Variants in GDPD4 observed in about 807,000 individuals in gnomAD.
GDPD4 encodes the protein glycerophosphodiester phosphodiesterase 6.
GDPD4 carries 60 observed loss-of-function variants against 67.8 expected under a neutral mutation model. That is an observed-to-expected ratio of 0.88 (90% CI 0.72 to 1.10). GDPD4 has a LOEUF of 1.10. Ranked by LOEUF, GDPD4 falls within the 50% of genes least tolerant of loss-of-function variation. The pLI, the probability that GDPD4 is intolerant of heterozygous loss-of-function variation, is 0.00. For synonymous variants in GDPD4, 212 were observed against 210.9 expected (o/e 1.00, Z -0.04); for missense variants, 623 against 613.9 (o/e 1.01, Z -0.16).
chr11:77,276,346 AC>A (rs1959469014), intron 4 of GDPD4, 126 bp from the exon 5 acceptor site: 2 of 733,990 alleles, frequency 2.7e-6, no homozygotes, highest in South Asian at 3.2e-5. Flanking sequence ...CTATACCTGT[AC>A]TTTATTTAGC....
At chr11:77,285,347 GT>G in intron 2 of GDPD4, among the ~76,000 whole-genome samples, 160 bp from the exon 3 acceptor site, 1 of 152,228 alleles carries the variant, frequency 6.6e-6, no homozygotes, top group East Asian at 1.9e-4. Context: ...ACCAAATCCT[GT>G]ATATGCCTAT....
chr11:77,301,366 T>C lies in GDPD4; in HGVS notation c.-254+239A>G, dbSNP rs527384029. On this transcript the variant is annotated intron_variant, in intron 1 of 16. Transcript: ENST00000315938. ...CCAGGATTGGCATAGTCGAAGCTGA[T>C]TTTTATCCCCTTCGCCATTAACAAC... is the stretch of plus-strand genomic sequence containing the variant. 3.3e-5 allele frequency among the ~76,000 whole-genome samples: 5 copies of C among 152,232 alleles called. No individual in the cohort carries two copies. The South Asian group carries it at 1.0e-3, about 32-fold the overall frequency.
intron 1 of GDPD4, among the ~76,000 whole-genome samples, chr11:77,288,107 TACC>T (rs780195127): frequency 2.0e-5 from 3 of 152,094 alleles, no homozygotes; most frequent in Non-Finnish European, 2.9e-5. Flanking sequence ...CTGGCACTAC[TACC>T]ACCACCAATG....
At position 77,279,398 on chromosome 11, in the gene GDPD4, C is replaced by T. The variant is rs952360471; in HGVS notation, c.55G>A (p.Val19Ile). The change falls in exon 4 of 17, where the codon GTC (valine) becomes ATC (isoleucine). Residue 19 changes from valine (V) to isoleucine (I), a missense_variant and splice_region_variant. Coordinates refer to ENST00000315938, the MANE Select transcript of GDPD4 (RefSeq NM_182833.3). ...TSSEYFNFDW[V>I]TFLGTGYWFF... ...CAGTATCCTGTTCCTAGAAAAGTGA[C>T]CCTGAAAAAAAATGTGTTTCAGTTC... The T allele has an allele frequency of 1.3e-6, 2 of 1,595,718 alleles. No homozygotes were observed. The highest frequency in any genetic ancestry group is 1.7e-5 in the Admixed American group (1 of 59,340).
At position 77,245,460 on chromosome 11, in the gene GDPD4, T is replaced by C. The variant is rs878870688; in HGVS notation, c.907A>G (p.Lys303Glu). 2.5e-6 allele frequency: 4 copies of C among 1,614,170 alleles called. No individual in the cohort carries two copies. The South Asian group carries it at 3.3e-5, about 13-fold the overall frequency. Residue 303 changes from lysine to glutamate, a missense_variant, in exon 12 of 17, where the codon AAA becomes GAA. Coordinates refer to ENST00000315938, the MANE Select transcript of GDPD4 (RefSeq NM_182833.3). ...ATTGACTGATTTCTTGCTCTTTCTTTATCTGCCTCTGATAGAGGTTTCATA... is the reference window on the plus strand; with the variant it reads ...ATTGACTGATTTCTTGCTCTTTCTTCATCTGCCTCTGATAGAGGTTTCATA... ...YNMKPLSEAD[K>E]ERARNQSIPT...
At chr11:77,267,996 G>C (rs1959186296) in intron 10 of GDPD4, among the ~76,000 whole-genome samples, 1 of 151,902 alleles carries the variant, frequency 6.6e-6, no homozygotes, top group Admixed American at 6.6e-5. Context: ...GAAGGCTCTT[G>C]CCACAAATGG....
chr11:77,264,174 C>T (rs1959166709), intron 10 of GDPD4, among the ~76,000 whole-genome samples: 1 of 152,166 alleles, frequency 6.6e-6, no homozygotes, highest in African/African-American at 2.4e-5. Flanking sequence ...CTCAGAATCT[C>T]CCATAGGCTT....
intron 5 of GDPD4, 143 bp from the exon 6 acceptor site, chr11:77,271,536 T>C (rs1959227029): frequency 1.6e-6 from 1 of 617,582 alleles, no homozygotes; most frequent in African/African-American, 1.9e-5. Flanking sequence ...TAGAGAAAGA[T>C]CTTGTTTTTC....
chr11:77,278,656 G>T (rs115678510), intron 4 of GDPD4, among the ~76,000 whole-genome samples: 499 of 152,292 alleles, frequency 3.3e-3, no homozygotes, highest in African/African-American at 0.011. Flanking sequence ...AATAGAGAAA[G>T]GAATGGTGAA....
chr11:77,269,600 C>G (rs1362136677), intron 8 of GDPD4, among the ~76,000 whole-genome samples: 1 of 152,168 alleles, frequency 6.6e-6, no homozygotes, highest in Non-Finnish European at 1.5e-5. Flanking sequence ...TAAAATGGGG[C>G]TGTCCTGCTG....
At chr11:77,299,705 T>C (rs990087119) in intron 1 of GDPD4, among the ~76,000 whole-genome samples, 3 of 152,202 alleles carry the variant, frequency 2.0e-5, no homozygotes, top group African/African-American at 4.8e-5. Flanking sequence ...AAGTCCCAAA[T>C]GCAAGCCCAT....
chr11:77,290,780 T>C (rs1479455102), intron 1 of GDPD4, among the ~76,000 whole-genome samples: 1 of 152,140 alleles, frequency 6.6e-6, no homozygotes, highest in Admixed American at 6.5e-5. Context: ...GAAAAAATGT[T>C]CAATATCACT....
intron 1 of GDPD4, among the ~76,000 whole-genome samples, chr11:77,298,932 T>A (rs1220471026): frequency 2.0e-5 from 3 of 152,010 alleles, no homozygotes; most frequent in Non-Finnish European, 4.4e-5. Flanking sequence ...GAATTTATGG[T>A]TTGTAGGGCA....
intron 11 of GDPD4, among the ~76,000 whole-genome samples, chr11:77,256,892 CTCTTT>C (rs1198391414): frequency 3.9e-5 from 6 of 152,242 alleles, no homozygotes; most frequent in Non-Finnish European, 7.4e-5. Flanking sequence ...TCAAATAAAC[CTCTTT>C]TCTTTTTAAA....
At position 77,264,674 on chromosome 11, in the gene GDPD4, A is replaced by C. The variant is rs183318950; in HGVS notation, c.707+3783T>G. On this transcript the variant is annotated intron_variant, in intron 10 of 16. Coordinates refer to ENST00000315938, the MANE Select transcript of GDPD4 (RefSeq NM_182833.3). ...AGAGCTCTGAGAAGTGGTGTAGAAGAAGCCTGATTGGGATAGGCTCAAAAA... is the reference window on the plus strand; with the variant it reads ...AGAGCTCTGAGAAGTGGTGTAGAAGCAGCCTGATTGGGATAGGCTCAAAAA... 3.0e-4 allele frequency among the ~76,000 whole-genome samples: 45 copies of C among 152,186 alleles called. No individual in the cohort carries two copies. The East Asian group carries it at 7.3e-3, about 25-fold the overall frequency.
chr11:77,230,938 G>T (rs1260034339), intron 14 of GDPD4, among the ~76,000 whole-genome samples: 2 of 152,066 alleles, frequency 1.3e-5, no homozygotes, highest in African/African-American at 4.8e-5. Context: ...CTTGCTGTTG[G>T]GAACCCATCT....
At chr11:77,256,082 G>C (rs896647921) in intron 11 of GDPD4, among the ~76,000 whole-genome samples, 13 of 152,110 alleles carry the variant, frequency 8.5e-5, no homozygotes, top group Non-Finnish European at 1.6e-4. Flanking sequence ...CCAAGAAAAA[G>C]CATCCATTAA....
At chr11:77,246,637 T>C (rs1958789827) in intron 11 of GDPD4, among the ~76,000 whole-genome samples, 1 of 152,196 alleles carries the variant, frequency 6.6e-6, no homozygotes, top group Admixed American at 6.5e-5. Flanking sequence ...CCTATATATT[T>C]CTTAGGATTA....
chr11:77,283,296 C>G (rs1959841300), intron 3 of GDPD4, among the ~76,000 whole-genome samples: 1 of 152,306 alleles, frequency 6.6e-6, no homozygotes, highest in Admixed American at 6.5e-5. Flanking sequence ...TTGACTGAGG[C>G]ACTGTCTAAT....
Sources: gnomAD v4.1 joint callset for allele counts (sites outside exome capture counted in the v4.1 genomes callset) on GRCh38, gnomAD v4.1.1 for gene constraint, MANE v1.5 for transcripts, NCBI Gene and HGNC (gene_info 2026-07-23, HGNC 2026-07-21) for gene names.